Variants in NELFA observed in about 807,000 individuals in gnomAD.
NELFA encodes the protein negative elongation factor complex member A, also known as negative elongation factor A.
NELFA carries 35 observed loss-of-function variants against 51.8 expected under a neutral mutation model. The observed-to-expected ratio is 0.68, with a 90% confidence interval of 0.52 to 0.90. The LOEUF is 0.90. NELFA is among the 40% of genes least tolerant of loss of function. The pLI, the probability that NELFA is intolerant of heterozygous loss-of-function variation, is 0.00. For synonymous variants in NELFA, 417 were observed against 338.4 expected, an observed-to-expected ratio of 1.23 and a Z score of -2.55; for missense variants, 658 against 746.4, an observed-to-expected ratio of 0.88 and a Z score of 1.38.
intron 1 of NELFA, among the ~76,000 whole-genome samples, chr4:1,995,703 T>A (rs559788479): frequency 6.6e-6 from 1 of 152,202 alleles, no homozygotes; most frequent in Admixed American, 6.5e-5. Flanking sequence ...CATTACTAAA[T>A]ACAGAGAATC....
chr4:1,991,920 G>A (rs550763408), intron 1 of NELFA: 8 of 527,602 alleles, frequency 1.5e-5, no homozygotes, highest in Middle Eastern at 1.0e-3. Flanking sequence ...GCCTCTGCCA[G>A]GTTGCAAGGC....
chr4:1,986,014 G>A, intron 6 of NELFA, 100 bp downstream of exon 6: 1 of 1,418,774 alleles, frequency 7.0e-7, no homozygotes, highest in Non-Finnish European at 9.6e-7. Flanking sequence ...CAGCCTCACG[G>A]GGCACAGCCC....
At position 1,989,762 on chromosome 4, in the gene NELFA, G is replaced by A; in HGVS notation, c.490C>T (p.Gln164Ter). Residue 164 changes from glutamine (Q) to a stop codon, truncating the protein, a stop_gained, in exon 3 of 11, where the codon CAG becomes TAG. Coordinates refer to ENST00000382882, the MANE Select transcript of NELFA (RefSeq NM_005663.5). LOFTEE classifies it high-confidence loss of function. The surrounding 1 kb of genome is among the most constrained non-coding windows in gnomAD (Gnocchi z 4.8). ...GCGCTCTTGGGTTTCCGCTTTAACT[G>A]AAAATGCTTCACCGGGGGAGTGAGG... ...GPLTPPVKHF[Q>*]LKRKPKSATL... The A allele has an allele frequency of 6.2e-7, 1 of 1,614,176 alleles. No homozygotes were observed. The highest frequency in any genetic ancestry group is 8.5e-7 in the Non-Finnish European group (1 of 1,180,032).
rs1334743621 is a variant in NELFA at position 1,991,545 on chromosome 4, CT to C, written c.380del (p.Lys127ArgfsTer18). On this transcript the variant is annotated frameshift_variant and splice_region_variant, in exon 2 of 11. Transcript: ENST00000382882. LOFTEE classifies it high-confidence loss of function. ...VQDILGELRE[K>X]VGECEASAML... ...ATGAATTAAAGCAGCACAACATACCCTTTTCTCTAAGTTCTCCCAAAATATC... is the reference window on the plus strand; with the variant it reads ...ATGAATTAAAGCAGCACAACATACCCTTTCTCTAAGTTCTCCCAAAATATC... 2 of 1,613,888 alleles carry C rather than the reference CT, an allele frequency of 1.2e-6. No homozygotes were observed. The highest frequency in any genetic ancestry group is 1.7e-6 in the Non-Finnish European group (2 of 1,179,992).
chr4:1,988,104 GAGCCGTGA>G (rs2109057234), intron 3 of NELFA, 97 bp from the exon 4 acceptor site: 2 of 1,061,730 alleles, frequency 1.9e-6, no homozygotes, highest in South Asian at 2.9e-5. Flanking sequence ...CCGACGGCCT[GAGCCGTGA>G]ACGCTGCATT....
chr4:1,992,941 C>T (rs1321422309), intron 1 of NELFA, among the ~76,000 whole-genome samples: 1 of 152,196 alleles, frequency 6.6e-6, no homozygotes, highest in Non-Finnish European at 1.5e-5. Flanking sequence ...GGTGTCGCCC[C>T]GGCCGCTGAC....
chr4:1,997,111 T>TA (rs1728446973), intron 1 of NELFA, among the ~76,000 whole-genome samples: 1 of 151,512 alleles, frequency 6.6e-6, no homozygotes, highest in African/African-American at 2.4e-5. Flanking sequence ...CACTATGCAT[T>TA]AAAACAAACA....
At chr4:1,995,534 A>G (rs1434499980) in intron 1 of NELFA, among the ~76,000 whole-genome samples, 2 of 152,242 alleles carry the variant, frequency 1.3e-5, no homozygotes, top group Non-Finnish European at 2.9e-5. Flanking sequence ...CAGAAAAGTA[A>G]ATGACCCAGA....
intron 1 of NELFA, among the ~76,000 whole-genome samples, chr4:1,994,463 G>A (rs1431361843): frequency 1.3e-5 from 2 of 152,082 alleles, no homozygotes; most frequent in African/African-American, 2.4e-5. Flanking sequence ...TACTGGGGAA[G>A]GTGAGGCAGG....
At chr4:1,988,041 T>C in intron 3 of NELFA, 34 bp from the exon 4 acceptor site, 1 of 1,575,370 alleles carries the variant, frequency 6.3e-7, no homozygotes. Context: ...TCAGGGATCC[T>C]CAGAGCGAGA....
At chr4:2,001,356 T>A (rs577950981) in intron 1 of NELFA, among the ~76,000 whole-genome samples, 10 of 152,326 alleles carry the variant, frequency 6.6e-5, no homozygotes, top group Non-Finnish European at 1.2e-4. Flanking sequence ...GAAGTCAAGT[T>A]GTCTCTGTTT....
Position 1,982,949 on chromosome 4 carries a change from T to G in NELFA, c.*370A>C. 1 of 171,804 alleles carries G rather than the reference T, an allele frequency of 5.8e-6. No individual in the cohort carries two copies. The highest frequency in any genetic ancestry group is 1.2e-5 in the Non-Finnish European group (1 of 81,062). 10.6% of individuals were successfully genotyped at this position (171,804 alleles called of 1,614,324 possible). On this transcript the variant is annotated 3_prime_UTR_variant, in exon 11 of 11. Transcript: ENST00000382882. ...ACCTTGGTCCCCTCAACCCTGGGGG[T>G]AGGAGGGCACTGCCCCAGCGAGGGA...
At chr4:2,003,178 A>G (rs1728621595) in intron 1 of NELFA, among the ~76,000 whole-genome samples, 2 of 152,226 alleles carry the variant, frequency 1.3e-5, no homozygotes, top group Admixed American at 1.3e-4. Context: ...CCACAATGAG[A>G]TACCATCTCA....
At chr4:1,991,979 C>G (rs1728284184) in intron 1 of NELFA, 1 of 430,728 alleles carries the variant, frequency 2.3e-6, no homozygotes, top group South Asian at 3.2e-5. Flanking sequence ...CAGCAGCACC[C>G]AGTCCACTGG....
intron 1 of NELFA, among the ~76,000 whole-genome samples, chr4:2,000,983 T>C (rs1000061386): frequency 1.3e-5 from 2 of 152,190 alleles, no homozygotes. Context: ...GCAAGGCTGG[T>C]TCAACATACG....
At chr4:1,997,766 C>A (rs956617273) in intron 1 of NELFA, among the ~76,000 whole-genome samples, 1 of 152,162 alleles carries the variant, frequency 6.6e-6, no homozygotes, top group Non-Finnish European at 1.5e-5. Flanking sequence ...AAGCACACTC[C>A]CTCCATCATG....
intron 1 of NELFA, chr4:2,008,073 C>G: frequency 2.2e-6 from 1 of 456,490 alleles, no homozygotes; most frequent in South Asian, 1.5e-5. Flanking sequence ...CAAGAAAATC[C>G]AGTCAGCGGA....
intron 1 of NELFA, among the ~76,000 whole-genome samples, chr4:2,005,502 GC>G (rs1728687015): frequency 6.6e-6 from 1 of 152,058 alleles, no homozygotes; most frequent in Admixed American, 6.6e-5. Context: ...GAGCAGCCTG[GC>G]CAACATGGTG....
At chr4:2,001,417 A>C (rs1728563091) in intron 1 of NELFA, among the ~76,000 whole-genome samples, 2 of 152,142 alleles carry the variant, frequency 1.3e-5, no homozygotes, top group Admixed American at 6.5e-5. Flanking sequence ...CAGCCCAAAA[A>C]CTTGTTGAAC....
Sources: gnomAD v4.1 joint callset for allele counts (sites outside exome capture counted in the v4.1 genomes callset) on GRCh38, gnomAD v4.1.1 for gene constraint, Gnocchi (gnomAD v3.1) non-coding constraint, MANE v1.5 for transcripts, NCBI Gene and HGNC (gene_info 2026-07-23, HGNC 2026-07-21) for gene names.